The following SLIT3 variants were observed in gnomAD, a reference collection of about 807,000 sequenced individuals.
SLIT3 encodes slit homolog 3 protein.
SLIT3 carries 68 observed loss-of-function variants against 184.0 expected under a neutral mutation model. The ratio of observed to expected loss-of-function variants is 0.37; its 90% CI spans 0.30 to 0.45. The LOEUF (loss-of-function observed/expected upper bound fraction) is 0.45. SLIT3 is among the 20% of genes least tolerant of loss of function. The pLI is 1.00. For synonymous variants in SLIT3, 831 were observed against 828.6 expected (o/e 1.00, Z -0.05); for missense variants, 1,707 against 2,026.0 (o/e 0.84, Z 3.02).
Position 168,698,682 on chromosome 5 carries a change from C to T in SLIT3, c.2942+1900G>A, listed in dbSNP as rs373180256. On this transcript the variant is annotated intron_variant, in intron 27 of 35. Transcript: ENST00000519560. ...AATGGAAGAGGGGAGCAAAGGGGAG[C>T]TTCCTGACAAGCACCACTCCCCTTC... Among the ~76,000 whole-genome samples, 179 of 152,242 alleles carry T rather than the reference C, an allele frequency of 1.2e-3. 1 individual carries two copies. The highest frequency in any genetic ancestry group is 4.2e-3 in the African/African-American group (175 of 41,548).
chr5:168,870,694 G>C (rs560033953), intron 5 of SLIT3, among the ~76,000 whole-genome samples: 1 of 152,310 alleles, frequency 6.6e-6, no homozygotes, highest in South Asian at 2.1e-4. Flanking sequence ...TATTTATCAA[G>C]TCCAGTGGTT....
At chr5:169,174,638 A>G (rs572449165) in intron 4 of SLIT3, among the ~76,000 whole-genome samples, 2 of 152,306 alleles carry the variant, frequency 1.3e-5, no homozygotes, top group South Asian at 4.1e-4. Flanking sequence ...AGCACATAGT[A>G]CAGTACAAAA....
At chr5:168,693,213 G>T (rs1761958630) in intron 28 of SLIT3, among the ~76,000 whole-genome samples, 1 of 152,182 alleles carries the variant, frequency 6.6e-6, no homozygotes, top group Admixed American at 6.5e-5. Flanking sequence ...GACCAGAAGG[G>T]CAAACTTTGT....
intron 4 of SLIT3, chr5:168,994,332 A>G (rs970438071): frequency 2.6e-5 from 4 of 152,204 alleles, no homozygotes; most frequent in African/African-American, 9.7e-5. Flanking sequence ...ATCCTCTGGA[A>G]TCCTACAGAA....
chr5:169,075,456 AG>A (rs1758701754), intron 4 of SLIT3, among the ~76,000 whole-genome samples: 1 of 152,200 alleles, frequency 6.6e-6, no homozygotes, highest in Non-Finnish European at 1.5e-5. Context: ...CTGGAATAAA[AG>A]CTGTATTCGA....
intron 4 of SLIT3, among the ~76,000 whole-genome samples, chr5:169,113,447 G>A (rs781447781): frequency 6.6e-6 from 1 of 151,842 alleles, no homozygotes; most frequent in Non-Finnish European, 1.5e-5. Context: ...TATTACATTC[G>A]GTTTATCCAT....
In SLIT3 at chr5:168,671,482, G is replaced by A. The variant is rs1761242506; in HGVS notation, c.3843C>T (p.Gly1281=). The A allele has an allele frequency of 6.2e-7, 1 of 1,609,018 alleles. No individual in the cohort carries two copies. The highest frequency in any genetic ancestry group is 1.1e-5 in the South Asian group (1 of 90,166). ...VGINSPLYLG[G]IPTSTGLSAL... is the part of the protein sequence containing the mutation. ...CAGAGAGGCCGGTGGAGGTGGGGAT[G>A]CCTGTGGGAGGGGAGCCAGGACAGT... is the stretch of plus-strand genomic sequence containing the variant. Residue 1281 remains glycine, a splice_region_variant and synonymous_variant, in exon 34 of 36, where the codon GGC becomes GGT. Transcript: ENST00000519560.
chr5:169,255,472 TAA>T (rs552488897), intron 1 of SLIT3, among the ~76,000 whole-genome samples: 3 of 152,068 alleles, frequency 2.0e-5, no homozygotes, highest in Non-Finnish European at 4.4e-5. Flanking sequence ...GTTTAAAAAG[TAA>T]AAAAAGTTTA....
intron 4 of SLIT3, among the ~76,000 whole-genome samples, chr5:168,894,637 G>C (rs888944533): frequency 2.0e-5 from 3 of 152,204 alleles, no homozygotes; most frequent in African/African-American, 7.2e-5. Flanking sequence ...AAGCTGAGGC[G>C]TGGGAATGAG....
Position 169,181,275 on chromosome 5 carries a change from A to C in SLIT3, c.413+12204T>G, listed in dbSNP as rs140386440. On this transcript the variant is annotated intron_variant, in intron 4 of 35. Transcript: ENST00000519560. ...TTATCTGTCTGGGATTCTCCTATAG[A>C]GAGGTTTTGTGTGTGTGTGCGTGGT... Among the ~76,000 whole-genome samples the C allele has an allele frequency of 2.6e-5, 4 of 152,266 alleles. No homozygotes were observed. In the East Asian group the frequency reaches 7.7e-4, roughly 29 times the overall value.
At chr5:168,753,185 G>C (rs1424868351) in intron 17 of SLIT3, 87 bp from the exon 18 acceptor site, 3 of 1,418,580 alleles carry the variant, frequency 2.1e-6, no homozygotes, top group Admixed American at 3.8e-5. Context: ...TGTGTGTATA[G>C]GTGAGATGCT....
At chr5:169,145,401 C>T (rs1285932546) in intron 4 of SLIT3, among the ~76,000 whole-genome samples, 1 of 152,190 alleles carries the variant, frequency 6.6e-6, no homozygotes, top group Non-Finnish European at 1.5e-5. Context: ...CTAAGGTATA[C>T]ATGTGCAGAT....
At chr5:168,686,906 C>T (rs1761759751) in intron 30 of SLIT3, 73 bp downstream of exon 30, 3 of 1,574,496 alleles carry the variant, frequency 1.9e-6, no homozygotes, top group South Asian at 1.1e-5. Flanking sequence ...ATTCTGGCCA[C>T]CTTAGCCAGT....
chr5:168,784,736 C>T (rs1161711604), intron 12 of SLIT3, among the ~76,000 whole-genome samples: 2 of 152,152 alleles, frequency 1.3e-5, no homozygotes, highest in Non-Finnish European at 2.9e-5. Context: ...CTTGTGCCTG[C>T]CACCCCTTTA....
At chr5:168,716,118 C>T (rs1762721786) in intron 23 of SLIT3, among the ~76,000 whole-genome samples, 1 of 152,212 alleles carries the variant, frequency 6.6e-6, no homozygotes, top group African/African-American at 2.4e-5. Flanking sequence ...TAGGTGTGCG[C>T]CAGCATGCCC....
intron 2 of SLIT3, among the ~76,000 whole-genome samples, chr5:169,249,120 G>T (rs1010349872): frequency 2.0e-5 from 3 of 152,162 alleles, no homozygotes; most frequent in Non-Finnish European, 4.4e-5. Context: ...CAGCTAAAAA[G>T]AATCGATTGA....
intron 8 of SLIT3, among the ~76,000 whole-genome samples, chr5:168,811,159 C>G (rs866333689): frequency 1.2e-4 from 19 of 152,172 alleles, no homozygotes; most frequent in African/African-American, 3.9e-4. Flanking sequence ...GAAAGAGAAG[C>G]CCTGAGAGAG....
At position 168,795,582 on chromosome 5, in the gene SLIT3, G is replaced by C. The variant is rs541276046; in HGVS notation, c.936-4C>G. ...GATGGAGTTCTGTTCTAGGCGTCTG[G>C]GAAACAGAGCAGAGAAGAGTGAATT... On this transcript the variant is annotated splice_region_variant and splice_polypyrimidine_tract_variant and intron_variant, in intron 9 of 35. Coordinates refer to ENST00000519560, the MANE Select transcript of SLIT3 (RefSeq NM_003062.4). The C allele has an allele frequency of 1.9e-6, 3 of 1,612,196 alleles. No homozygotes were observed. In the South Asian group the frequency reaches 3.3e-5, roughly 18 times the overall value.
At chr5:169,135,725 G>GA (rs1761479144) in intron 4 of SLIT3, among the ~76,000 whole-genome samples, 1 of 152,192 alleles carries the variant, frequency 6.6e-6, no homozygotes, top group Non-Finnish European at 1.5e-5. Flanking sequence ...CTGGAAGCTG[G>GA]AAAATGACAG....
Sources: gnomAD v4.1 joint callset for allele counts (sites outside exome capture counted in the v4.1 genomes callset) on GRCh38, gnomAD v4.1.1 for gene constraint, MANE v1.5 for transcripts, NCBI Gene and HGNC (gene_info 2026-07-23, HGNC 2026-07-21) for gene names.